The following ATP2C2 variants were observed in gnomAD, a reference collection of about 807,000 sequenced individuals.
The protein encoded by ATP2C2 is ATPase secretory pathway Ca2+ transporting 2.
In ATP2C2, 171 loss-of-function variants were observed where a neutral mutation model predicts 110.8. That is an observed-to-expected ratio of 1.54 (90% CI 1.36 to 1.75). The LOEUF is 1.75. Ranked by LOEUF, ATP2C2 falls within the 40% of genes most tolerant of loss-of-function variation. The probability of loss-of-function intolerance (pLI) is 0.00; values close to 1 mark genes in which losing one functional copy is unlikely to be tolerated. For synonymous variants in ATP2C2, 804 were observed against 508.4 expected (o/e 1.58, Z -7.82); for missense variants, 1,963 against 1,235.0 (o/e 1.59, Z -8.84).
chr16:84,410,417 G>T, intron 4 of ATP2C2, 151 bp from the exon 5 acceptor site: 2 of 870,638 alleles, frequency 2.3e-6, no homozygotes, highest in Non-Finnish European at 3.8e-6. Flanking sequence ...CTGCTCTTTT[G>T]GCTAGTATAT....
chr16:84,443,464 C>T lies in ATP2C2; in HGVS notation c.1401+865C>T, dbSNP rs1909454933. ...CTCCATCAAGGTCAAGGGAAAAGCCCGACTCAGGGTGCTCATCCCCCAGCA... is the reference window on the plus strand; with the variant it reads ...CTCCATCAAGGTCAAGGGAAAAGCCTGACTCAGGGTGCTCATCCCCCAGCA... On this transcript the variant is annotated intron_variant, in intron 15 of 26. Transcript: ENST00000262429. 2.0e-5 allele frequency among the ~76,000 whole-genome samples: 3 copies of T among 152,168 alleles called. No individual in the cohort carries two copies. In the South Asian group the frequency reaches 6.2e-4, roughly 32 times the overall value.
intron 1 of ATP2C2, among the ~76,000 whole-genome samples, chr16:84,371,993 C>T (rs1002887982): frequency 1.3e-5 from 2 of 152,086 alleles, no homozygotes; most frequent in Non-Finnish European, 1.5e-5. Context: ...GGGAGAAAGA[C>T]GTGATGTTTA....
At chr16:84,383,737 G>C (rs1185567156) in intron 1 of ATP2C2, among the ~76,000 whole-genome samples, 1 of 145,692 alleles carries the variant, frequency 6.9e-6, no homozygotes, top group Admixed American at 6.9e-5. Context: ...GAATACATCT[G>C]TGTGTGTGTG....
intron 11 of ATP2C2, among the ~76,000 whole-genome samples, chr16:84,428,241 G>T (rs1045829950): frequency 1.3e-5 from 2 of 152,212 alleles, no homozygotes; most frequent in African/African-American, 2.4e-5. Context: ...CTAGTATCAG[G>T]TGTACATGGC....
At chr16:84,439,394 T>C (rs1909036396) in intron 12 of ATP2C2, 33 bp from the exon 13 acceptor site, 3 of 1,564,518 alleles carry the variant, frequency 1.9e-6, no homozygotes, top group Non-Finnish European at 2.6e-6. Flanking sequence ...GGATGGCAAC[T>C]TCTCTTCTAT....
In ATP2C2 at chr16:84,428,659, C is replaced by T. The variant is rs114726058; in HGVS notation, c.986+2858C>T. Among the ~76,000 whole-genome samples the T allele has an allele frequency of 4.6e-3, 698 of 152,220 alleles. 3 individuals are homozygous for T. Among genetic ancestry groups the T allele is most frequent in the African/African-American group, 0.016 (655 of 41,538 alleles). On this transcript the variant is annotated intron_variant, in intron 11 of 26. Transcript: ENST00000262429. Reference sequence around the variant, plus strand: ...ATGACAGACACTTGGAAAACCCCATCCCAGATAAATTCTAAGTCATAATAA... The same window carrying T: ...ATGACAGACACTTGGAAAACCCCATTCCAGATAAATTCTAAGTCATAATAA...
rs1444655472 is a variant in ATP2C2 at position 84,451,956 on chromosome 16, C to T, written c.1696C>T (p.Leu566=). 3.7e-6 allele frequency: 6 copies of T among 1,614,090 alleles called. No homozygotes were observed. The highest frequency in any genetic ancestry group is 2.2e-5 in the South Asian group (2 of 91,054). ...GGCTTCTGGGCCCGAGCTGGGGCGGCTGACGTTTCTCGGTCTTGTGGGCAT... is the reference window on the plus strand; with the variant it reads ...GGCTTCTGGGCCCGAGCTGGGGCGGTTGACGTTTCTCGGTCTTGTGGGCAT... ...ALASGPELGR[L]TFLGLVGIID... Residue 566 remains leucine (L), a synonymous_variant, in exon 18 of 27, where the codon CTG becomes TTG. Transcript: ENST00000262429.
At chr16:84,410,501 C>G (rs1906175773) in intron 4 of ATP2C2, 67 bp from the exon 5 acceptor site, 2 of 1,531,164 alleles carry the variant, frequency 1.3e-6, no homozygotes, top group Middle Eastern at 2.1e-4. Flanking sequence ...AGCCCCTAGC[C>G]TGCCACGCCC....
At chr16:84,459,445 A>C (rs985850869) in intron 23 of ATP2C2, 59 bp downstream of exon 23, 2 of 1,604,732 alleles carry the variant, frequency 1.2e-6, no homozygotes, top group Non-Finnish European at 1.7e-6. Context: ...GGCTTCCTCC[A>C]GGGGCTGCTG....
chr16:84,408,880 T>C (rs368639167), intron 4 of ATP2C2, among the ~76,000 whole-genome samples: 4 of 152,058 alleles, frequency 2.6e-5, no homozygotes, highest in South Asian at 4.2e-4. Flanking sequence ...TTAGATGAAA[T>C]TCACATAATA....
chr16:84,453,080 G>A, intron 18 of ATP2C2, 58 bp from the exon 19 acceptor site: 2 of 1,527,678 alleles, frequency 1.3e-6, no homozygotes, highest in Non-Finnish European at 1.8e-6. Flanking sequence ...GTGGGGCCGG[G>A]AGTGAGGGGT....
intron 21 of ATP2C2, among the ~76,000 whole-genome samples, chr16:84,455,789 T>C (rs1238310497): frequency 2.0e-5 from 3 of 151,318 alleles, no homozygotes; most frequent in African/African-American, 7.3e-5. Flanking sequence ...CTTATTATTT[T>C]GAAATACGTC....
intron 11 of ATP2C2, among the ~76,000 whole-genome samples, chr16:84,433,839 A>G (rs1167464708): frequency 6.6e-6 from 1 of 151,962 alleles, no homozygotes; most frequent in East Asian, 1.9e-4. Flanking sequence ...AAATACCCCA[A>G]TTCTCTCCCC....
intron 1 of ATP2C2, among the ~76,000 whole-genome samples, chr16:84,391,113 C>CAAAAAAAAAAAAAA (rs567509863): frequency 2.7e-5 from 2 of 73,280 alleles, no homozygotes; most frequent in Non-Finnish European, 2.4e-5. Flanking sequence ...GACTCAGACT[C>CAAAAAAAAAAAAAA]AAAAAAAAAA....
intron 1 of ATP2C2, among the ~76,000 whole-genome samples, chr16:84,381,191 T>G (rs1338675749): frequency 6.6e-6 from 1 of 152,214 alleles, no homozygotes; most frequent in Non-Finnish European, 1.5e-5. Flanking sequence ...GGTGGATCTT[T>G]CAGAGTACCT....
intron 18 of ATP2C2, among the ~76,000 whole-genome samples, chr16:84,452,471 G>A (rs907955598): frequency 4.6e-5 from 7 of 151,002 alleles, no homozygotes; most frequent in African/African-American, 1.2e-4. Flanking sequence ...ATCAATAGAG[G>A]GCTAGCAGCC....
intron 11 of ATP2C2, among the ~76,000 whole-genome samples, chr16:84,433,380 C>A (rs769841443): frequency 6.7e-6 from 1 of 148,494 alleles, no homozygotes; most frequent in Non-Finnish European, 1.5e-5. Flanking sequence ...AAGACCCTAT[C>A]TTAAAAAACA....
chr16:84,461,480 C>G (rs1223390378), intron 24 of ATP2C2: 11 of 598,936 alleles, frequency 1.8e-5, no homozygotes, highest in Non-Finnish European at 3.0e-5. Context: ...GTTTCCTCCA[C>G]CCATAGGTGC....
Position 84,377,779 on chromosome 16 carries a change from T to C in ATP2C2, c.99+9065T>C, listed in dbSNP as rs184034766. Among the ~76,000 whole-genome samples, 1,018 of 152,064 alleles carry C rather than the reference T, an allele frequency of 6.7e-3. 8 individuals are homozygous for C. The highest frequency in any genetic ancestry group is 0.013 in the South Asian group (62 of 4,808). On this transcript the variant is annotated intron_variant, in intron 1 of 26. Coordinates refer to ENST00000262429, the MANE Select transcript of ATP2C2 (RefSeq NM_014861.4). ...TCCAACACCATGTTCTGTGTAGAAATTGACTTGAAAGGTATTTTTTTCTTT... is the reference window on the plus strand; with the variant it reads ...TCCAACACCATGTTCTGTGTAGAAACTGACTTGAAAGGTATTTTTTTCTTT...
Sources: allele counts gnomAD v4.1 joint callset (sites outside exome capture counted in the v4.1 genomes callset), GRCh38; gene constraint gnomAD v4.1.1; transcripts MANE v1.5; gene names NCBI Gene and HGNC (gene_info 2026-07-23, HGNC 2026-07-21).